The following LPP variants were observed in gnomAD, a reference collection of about 807,000 sequenced individuals.
LPP encodes lipoma-preferred partner.
Under a neutral mutation model 60.4 loss-of-function variants are expected in LPP, and 38 were observed. That is an observed-to-expected ratio of 0.63 (90% CI 0.49 to 0.83). The LOEUF (loss-of-function observed/expected upper bound fraction) is 0.83. Ranked by LOEUF, LPP falls within the 40% of genes least tolerant of loss-of-function variation. LPP has a pLI of 0.00. For synonymous variants in LPP, 328 were observed against 290.8 expected (o/e 1.13, Z -1.30); for missense variants, 902 against 783.6 (o/e 1.15, Z -1.80).
intron 4 of LPP, among the ~76,000 whole-genome samples, chr3:188,442,714 A>T (rs1049732806): frequency 6.6e-6 from 1 of 152,184 alleles, no homozygotes; most frequent in Admixed American, 6.5e-5. Flanking sequence ...AGTTCACACC[A>T]TCACTGTGAA....
chr3:188,743,915 G>A (rs1447553543), intron 8 of LPP: 4 of 152,082 alleles, frequency 2.6e-5, no homozygotes, highest in East Asian at 1.9e-4. Flanking sequence ...TGGTCAGTCT[G>A]GTTTGGCATG....
intron 1 of LPP, among the ~76,000 whole-genome samples, chr3:188,159,401 TG>T (rs1717514848): frequency 6.6e-6 from 1 of 152,216 alleles, no homozygotes; most frequent in South Asian, 2.1e-4. Context: ...GACCCCAGGA[TG>T]TTCAGTAGCT....
At chr3:188,279,649 T>C (rs1741235678) in intron 2 of LPP, among the ~76,000 whole-genome samples, 1 of 152,232 alleles carries the variant, frequency 6.6e-6, no homozygotes, top group Non-Finnish European at 1.5e-5. Flanking sequence ...CTGTATCTTC[T>C]GGGTGTTGTA....
intron 9 of LPP, among the ~76,000 whole-genome samples, chr3:188,834,112 T>C (rs1757745286): frequency 2.6e-5 from 4 of 152,154 alleles, no homozygotes; most frequent in Admixed American, 2.6e-4. Flanking sequence ...TAGCCTTTGA[T>C]ACTTGGTCCT....
chr3:188,669,916 A>T (rs1273099941), intron 7 of LPP, among the ~76,000 whole-genome samples: 8 of 152,326 alleles, frequency 5.3e-5, no homozygotes, highest in East Asian at 1.9e-4. Flanking sequence ...TGGAATACTA[A>T]GCAGCCATAA....
chr3:188,262,983 A>C (rs1463416004), intron 2 of LPP, among the ~76,000 whole-genome samples: 1 of 151,464 alleles, frequency 6.6e-6, no homozygotes, highest in Admixed American at 6.6e-5. Flanking sequence ...CAAAGAGTGC[A>C]GTTTTTTTTT....
chr3:188,477,276 G>T (rs531607492), intron 4 of LPP, among the ~76,000 whole-genome samples: 2 of 152,188 alleles, frequency 1.3e-5, no homozygotes, highest in Non-Finnish European at 2.9e-5. Context: ...GAGGTCTGAA[G>T]CAGGAAGTTT....
chr3:188,530,950 A>T (rs1822027166), intron 6 of LPP, among the ~76,000 whole-genome samples: 1 of 152,218 alleles, frequency 6.6e-6, no homozygotes, highest in Non-Finnish European at 1.5e-5. Context: ...ACAAGAGATC[A>T]ATCATGAACT....
At chr3:188,587,812 G>A (rs1837810916) in intron 6 of LPP, among the ~76,000 whole-genome samples, 1 of 152,100 alleles carries the variant, frequency 6.6e-6, no homozygotes, top group African/African-American at 2.4e-5. Flanking sequence ...TTGTCGATGA[G>A]CTCACTCTTT....
intron 7 of LPP, among the ~76,000 whole-genome samples, chr3:188,670,202 T>C (rs1452104697): frequency 6.6e-6 from 1 of 152,096 alleles, no homozygotes; most frequent in Non-Finnish European, 1.5e-5. Context: ...TGTATACATA[T>C]GTAACAAACC....
intron 5 of LPP, among the ~76,000 whole-genome samples, chr3:188,515,419 A>G (rs1243601682): frequency 6.6e-6 from 1 of 152,200 alleles, no homozygotes; most frequent in African/African-American, 2.4e-5. Flanking sequence ...TAGCCTGCAT[A>G]GTCATGAGCC....
intron 3 of LPP, among the ~76,000 whole-genome samples, chr3:188,343,137 C>T (rs1184363510): frequency 2.0e-5 from 3 of 151,970 alleles, no homozygotes; most frequent in Admixed American, 6.6e-5. Context: ...TTTTAAGCAC[C>T]GCATGCATTA....
At chr3:188,286,812 G>T (rs1336624188) in intron 2 of LPP, among the ~76,000 whole-genome samples, 1 of 152,144 alleles carries the variant, frequency 6.6e-6, no homozygotes, top group Non-Finnish European at 1.5e-5. Flanking sequence ...TACATTAGGG[G>T]TATATATTTC....
intron 9 of LPP, among the ~76,000 whole-genome samples, chr3:188,791,893 T>C (rs1190850785): frequency 2.0e-5 from 3 of 152,192 alleles, no homozygotes; most frequent in African/African-American, 7.2e-5. Flanking sequence ...AGGGAAAGTT[T>C]CTGTCCCCCT....
chr3:188,609,245 C>G lies in LPP; in HGVS notation c.514C>G (p.Leu172Val), dbSNP rs755750591. 5 of 1,613,966 alleles carry G rather than the reference C, an allele frequency of 3.1e-6. No homozygotes were observed. The highest frequency in any genetic ancestry group is 4.2e-6 in the Non-Finnish European group (5 of 1,180,014). ...AATGGTCATCCCGAACCAACCCCCT[C>G]TAACAGCAACCAAGAAGTCTACATT... Reference protein sequence around the residue: ...KRMVIPNQPPLTATKKSTLKP... With the variant: ...KRMVIPNQPPVTATKKSTLKP... The change falls in exon 7 of 12, where the codon CTA becomes GTA. Residue 172 changes from leucine to valine, a missense_variant. Leu to Val is a conservative substitution (Grantham distance 32, BLOSUM62 1). Transcript: ENST00000617246. This position sits in a 1 kb window ranked among gnomAD's most constrained non-coding sequence, Gnocchi z 6.9.
chr3:188,653,130 A>C (rs1468092970), intron 7 of LPP, among the ~76,000 whole-genome samples: 1 of 152,252 alleles, frequency 6.6e-6, no homozygotes. Flanking sequence ...ATTATAAAGC[A>C]TAGAGGTTGA....
chr3:188,632,383 G>A (rs1367969397), intron 7 of LPP, among the ~76,000 whole-genome samples: 5 of 152,186 alleles, frequency 3.3e-5, no homozygotes, highest in Non-Finnish European at 5.9e-5. Flanking sequence ...AGGACCGGTA[G>A]GATAGGGCCT....
chr3:188,805,133 G>A (rs1219240306), intron 9 of LPP, among the ~76,000 whole-genome samples: 2 of 151,992 alleles, frequency 1.3e-5, no homozygotes, highest in Non-Finnish European at 2.9e-5. Flanking sequence ...TTTGTGTCAT[G>A]AGGTATACTA....
chr3:188,586,142 A>C (rs1837385186), intron 6 of LPP, among the ~76,000 whole-genome samples: 1 of 152,188 alleles, frequency 6.6e-6, no homozygotes, highest in Admixed American at 6.5e-5. Flanking sequence ...GGAAAAAAAT[A>C]TTCTTTTGTT....
Sources: allele counts gnomAD v4.1 joint callset (sites outside exome capture counted in the v4.1 genomes callset), GRCh38; gene constraint gnomAD v4.1.1; non-coding constraint Gnocchi (gnomAD v3.1); transcripts MANE v1.5; gene names NCBI Gene and HGNC (gene_info 2026-07-23, HGNC 2026-07-21).